Variants in WWOX observed in about 807,000 individuals in gnomAD.
WWOX encodes WW domain-containing oxidoreductase.
WWOX carries 69 observed loss-of-function variants against 46.2 expected under a neutral mutation model. The ratio of observed to expected loss-of-function variants is 1.49; its 90% CI spans 1.23 to 1.82. The LOEUF is 1.82. WWOX is among the 40% of genes most tolerant of loss of function. WWOX has a pLI of 0.00. For synonymous variants in WWOX, 359 were observed against 202.6 expected (o/e 1.77, Z -6.56); for missense variants, 919 against 542.6 (o/e 1.69, Z -6.89).
intron 5 of WWOX, among the ~76,000 whole-genome samples, chr16:78,373,085 T>C (rs997334911): frequency 6.6e-6 from 1 of 152,202 alleles, no homozygotes; most frequent in African/African-American, 2.4e-5. Flanking sequence ...GCTTGCACAC[T>C]GGACAATGCT....
intron 8 of WWOX, among the ~76,000 whole-genome samples, chr16:78,549,472 T>G (rs185176051): frequency 1.4e-4 from 21 of 152,316 alleles, no homozygotes; most frequent in African/African-American, 4.6e-4. Flanking sequence ...AGTCATGATA[T>G]GCGGTTCAGA....
intron 8 of WWOX, among the ~76,000 whole-genome samples, chr16:78,458,897 GA>G (rs1487129273): frequency 4.6e-5 from 7 of 151,302 alleles, no homozygotes; most frequent in Non-Finnish European, 7.4e-5. Flanking sequence ...GCCTGGGAGG[GA>G]AAAAAAATCT....
chr16:78,639,796 C>T (rs977155576), intron 8 of WWOX, among the ~76,000 whole-genome samples: 1 of 152,092 alleles, frequency 6.6e-6, no homozygotes, highest in Admixed American at 6.5e-5. Context: ...GAACTCCTGA[C>T]CTCAGGTGAT....
intron 8 of WWOX, among the ~76,000 whole-genome samples, chr16:78,519,847 G>A (rs927963288): frequency 2.6e-5 from 4 of 152,098 alleles, no homozygotes; most frequent in African/African-American, 4.8e-5. Context: ...CCAGAACTGT[G>A]AGAAATAAAT....
At chr16:78,203,105 G>C (rs879731471) in intron 5 of WWOX, among the ~76,000 whole-genome samples, 1 of 152,156 alleles carries the variant, frequency 6.6e-6, no homozygotes, top group Non-Finnish European at 1.5e-5. Context: ...CTTTAGAAAG[G>C]GGAGGTCAAG....
chr16:78,694,518 C>G (rs978756809), intron 8 of WWOX, among the ~76,000 whole-genome samples: 8 of 152,114 alleles, frequency 5.3e-5, no homozygotes, highest in African/African-American at 1.9e-4. Context: ...AAATTCAGTG[C>G]AAACCCATAA....
At chr16:79,125,951 C>T (rs570128342) in intron 8 of WWOX, among the ~76,000 whole-genome samples, 3 of 152,212 alleles carry the variant, frequency 2.0e-5, no homozygotes, top group South Asian at 2.1e-4. Context: ...TGCAGGAATC[C>T]GGCTGGTGGT....
At chr16:78,864,856 G>C (rs1022207107) in intron 8 of WWOX, among the ~76,000 whole-genome samples, 1 of 142,892 alleles carries the variant, frequency 7.0e-6, no homozygotes, top group Admixed American at 7.6e-5. Context: ...TCCACCTCCC[G>C]GGTTCAAGCG....
At chr16:79,023,774 C>G (rs1472093502) in intron 8 of WWOX, among the ~76,000 whole-genome samples, 1 of 134,880 alleles carries the variant, frequency 7.4e-6, no homozygotes. Context: ...TGGTGATACC[C>G]CATCTCTACT....
At chr16:78,520,064 C>T (rs138173769) in intron 8 of WWOX, among the ~76,000 whole-genome samples, 367 of 152,284 alleles carry the variant, frequency 2.4e-3, no homozygotes, top group African/African-American at 8.5e-3. Context: ...TATTGAGGGA[C>T]ATTCACTTAG....
intron 4 of WWOX, among the ~76,000 whole-genome samples, chr16:78,115,498 A>G (rs1256983541): frequency 1.3e-5 from 2 of 152,210 alleles, no homozygotes; most frequent in Admixed American, 1.3e-4. Flanking sequence ...TCAAACCAAA[A>G]TTGATTGGTA....
intron 6 of WWOX, among the ~76,000 whole-genome samples, chr16:78,409,347 C>T (rs564128157): frequency 2.1e-4 from 32 of 152,272 alleles, no homozygotes; most frequent in Non-Finnish European, 3.1e-4. Context: ...CCCCAAATGT[C>T]CTCTGTGCCT....
rs146003380 is a variant in WWOX, at chr16:78,522,322, G to C, written c.1056+89570G>C. Among the ~76,000 whole-genome samples, 321 of 151,962 alleles carry C rather than the reference G, an allele frequency of 2.1e-3. 1 individual carries two copies. Among genetic ancestry groups the C allele is most frequent in the African/African-American group, 7.4e-3 (308 of 41,442 alleles). On this transcript the variant is annotated intron_variant, in intron 8 of 8. Coordinates refer to ENST00000566780, the MANE Select transcript of WWOX (RefSeq NM_016373.4). ...CCATTTTGCTTAATTGAAGGCTTGC[G>C]GAACATTAAAGCACAACAAAAACCT... is the stretch of plus-strand genomic sequence containing the variant.
chr16:78,634,639 G>A (rs932207942), intron 8 of WWOX, among the ~76,000 whole-genome samples: 1 of 151,758 alleles, frequency 6.6e-6, no homozygotes, highest in African/African-American at 2.4e-5. Flanking sequence ...CCAGGAGGCG[G>A]AGGTTGCAGT....
In WWOX at chr16:78,439,460, A is replaced by G. The variant is rs545893878; in HGVS notation, c.1056+6708A>G. On this transcript the variant is annotated intron_variant, in intron 8 of 8. Coordinates refer to ENST00000566780, the MANE Select transcript of WWOX (RefSeq NM_016373.4). Reference sequence around the variant, plus strand: ...ATACTTCTTCCTGCCCTGGATTAACATTACCATTGGTTTTAGTAGTCTTAC... The same window carrying G: ...ATACTTCTTCCTGCCCTGGATTAACGTTACCATTGGTTTTAGTAGTCTTAC... 2.6e-5 allele frequency among the ~76,000 whole-genome samples: 4 copies of G among 152,202 alleles called. No individual in the cohort carries two copies. In the East Asian group the frequency reaches 7.8e-4, roughly 30 times the overall value.
intron 8 of WWOX, among the ~76,000 whole-genome samples, chr16:78,976,871 A>G (rs1422834348): frequency 6.6e-6 from 1 of 152,202 alleles, no homozygotes; most frequent in African/African-American, 2.4e-5. Flanking sequence ...GATAGCATCC[A>G]AAGTATGCAC....
chr16:78,863,512 A>T (rs567617638), intron 8 of WWOX, among the ~76,000 whole-genome samples: 1 of 152,296 alleles, frequency 6.6e-6, no homozygotes, highest in South Asian at 2.1e-4. Flanking sequence ...CTGCTGATTT[A>T]GTGTCACAGC....
intron 8 of WWOX, among the ~76,000 whole-genome samples, chr16:78,866,526 A>G (rs1379951588): frequency 1.3e-5 from 2 of 152,078 alleles, no homozygotes; most frequent in African/African-American, 2.4e-5. Flanking sequence ...TGCTGAAGCT[A>G]TGAGCTATCG....
intron 8 of WWOX, among the ~76,000 whole-genome samples, chr16:78,974,339 T>C (rs1349472533): frequency 2.0e-5 from 3 of 152,186 alleles, no homozygotes; most frequent in African/African-American, 7.2e-5. Context: ...GAATTTTGTG[T>C]GTCACATCAA....
Sources: gnomAD v4.1 joint callset for allele counts (sites outside exome capture counted in the v4.1 genomes callset) on GRCh38, gnomAD v4.1.1 for gene constraint, MANE v1.5 for transcripts, NCBI Gene and HGNC (gene_info 2026-07-23, HGNC 2026-07-21) for gene names.